Variants in DIP2B observed in about 807,000 individuals in gnomAD.
DIP2B encodes DIP2 acetate--CoA ligase B (putative).
A neutral mutation model predicts 198.0 loss-of-function variants in DIP2B; 76 were observed. That is an observed-to-expected ratio of 0.38 (90% CI 0.32 to 0.46). DIP2B has a LOEUF of 0.46. Among genes scored for constraint, DIP2B ranks in the 20% least tolerant of loss-of-function variants. The probability of loss-of-function intolerance (pLI) is 0.99; values close to 1 mark genes in which losing one functional copy is unlikely to be tolerated. For missense variants in DIP2B, 1,559 were observed against 1,978.4 expected, an observed-to-expected ratio of 0.79 and a Z score of 4.02; for synonymous variants, 701 against 739.1, an observed-to-expected ratio of 0.95 and a Z score of 0.84.
intron 20 of DIP2B, among the ~76,000 whole-genome samples, chr12:50,706,098 AC>A (rs901268858): frequency 2.0e-5 from 3 of 152,262 alleles, no homozygotes; most frequent in African/African-American, 7.2e-5. Context: ...CATTACCCTT[AC>A]CAACCTGAGA....
In DIP2B at chr12:50,737,608, G is replaced by C. The variant is rs545792814; in HGVS notation, c.4176+498G>C. On this transcript the variant is annotated intron_variant, in intron 35 of 37. Coordinates refer to ENST00000301180, the MANE Select transcript of DIP2B (RefSeq NM_173602.3). ...TTAATTTTTCTTCCCCCAAATCTTT[G>C]TTTTTGTTTGTTTATTTGAGACAGT... Among the ~76,000 whole-genome samples the C allele has an allele frequency of 5.9e-5, 9 of 151,854 alleles. No individual in the cohort carries two copies. In the East Asian group the frequency reaches 1.7e-3, roughly 29 times the overall value.
chr12:50,688,541 C>G (rs1939170091), intron 12 of DIP2B, among the ~76,000 whole-genome samples: 1 of 152,010 alleles, frequency 6.6e-6, no homozygotes. Flanking sequence ...GTCCCAGCTA[C>G]TCAAGGAGTC....
intron 23 of DIP2B, among the ~76,000 whole-genome samples, chr12:50,717,548 T>C (rs962880570): frequency 1.3e-5 from 2 of 151,686 alleles, no homozygotes; most frequent in Non-Finnish European, 2.9e-5. Context: ...TTTGTATTTT[T>C]AGTAGAGACA....
intron 1 of DIP2B, among the ~76,000 whole-genome samples, chr12:50,602,359 CT>C (rs1222106880): frequency 6.6e-6 from 1 of 152,256 alleles, no homozygotes; most frequent in East Asian, 1.9e-4. Context: ...GTCTCTGCCC[CT>C]GGGACTCAAG....
chr12:50,716,702 A>G (rs1049688575), intron 23 of DIP2B, among the ~76,000 whole-genome samples: 1 of 152,206 alleles, frequency 6.6e-6, no homozygotes, highest in South Asian at 2.1e-4. Context: ...TTGATAGAAT[A>G]AAAGATTTTT....
intron 1 of DIP2B, among the ~76,000 whole-genome samples, chr12:50,579,821 C>T (rs1958707868): frequency 6.7e-6 from 1 of 150,374 alleles, no homozygotes; most frequent in Non-Finnish European, 1.5e-5. Flanking sequence ...TCTGACTCAA[C>T]TGTATTTCCT....
intron 1 of DIP2B, among the ~76,000 whole-genome samples, chr12:50,516,286 TGCTCGTCACCAAG>T (rs1958064763): frequency 6.6e-6 from 1 of 151,446 alleles, no homozygotes; most frequent in Admixed American, 6.6e-5. Context: ...GAGAGAGTCT[TGCTCGTCACCAAG>T]GCTGGAGTGC....
At chr12:50,563,077 C>T (rs559304497) in intron 1 of DIP2B, among the ~76,000 whole-genome samples, 8 of 152,288 alleles carry the variant, frequency 5.3e-5, no homozygotes, top group Admixed American at 6.5e-5. Flanking sequence ...CTCATGGAAC[C>T]AACAGAAGAC....
intron 20 of DIP2B, among the ~76,000 whole-genome samples, chr12:50,705,191 C>T (rs747957244): frequency 6.6e-6 from 1 of 152,162 alleles, no homozygotes; most frequent in Non-Finnish European, 1.5e-5. Context: ...CTCCATTCAT[C>T]TCTAATTACC....
intron 19 of DIP2B, among the ~76,000 whole-genome samples, chr12:50,703,513 G>C (rs112056963): frequency 1.3e-4 from 20 of 152,292 alleles, no homozygotes; most frequent in African/African-American, 4.8e-4. Context: ...GGCCTATCCA[G>C]CTGTAATAAA....
chr12:50,540,623 A>G (rs547238310), intron 1 of DIP2B, among the ~76,000 whole-genome samples: 23 of 145,388 alleles, frequency 1.6e-4, no homozygotes, highest in Admixed American at 1.5e-3. Flanking sequence ...ATCTCGGCTC[A>G]CTGCAAGCTC....
chr12:50,706,581 T>C lies in DIP2B; in HGVS notation c.2450T>C (p.Met817Thr). The change falls in exon 21 of 38, where the codon ATG becomes ACG. Residue 817 changes from methionine (M) to threonine (T), a missense_variant. Coordinates refer to ENST00000301180, the MANE Select transcript of DIP2B (RefSeq NM_173602.3). ...GTTGGGAAAATGGATGGCTTACTGA[T>C]GGTTAGTGGTCGAAGACATAATGCT... Reference protein sequence around the residue: ...FVVGKMDGLLMVSGRRHNADD... With the variant: ...FVVGKMDGLLTVSGRRHNADD... 6.2e-7 allele frequency: 1 copy of C among 1,614,082 alleles called. No individual in the cohort carries two copies. The highest frequency in any genetic ancestry group is 8.5e-7 in the Non-Finnish European group (1 of 1,179,982).
chr12:50,591,522 T>C (rs1263540904), intron 1 of DIP2B, among the ~76,000 whole-genome samples: 1 of 152,082 alleles, frequency 6.6e-6, no homozygotes, highest in East Asian at 1.9e-4. Context: ...ACTGTATCCT[T>C]TGCCTCCTGG....
intron 18 of DIP2B, 118 bp from the exon 19 acceptor site, chr12:50,698,947 AT>A: frequency 2.6e-6 from 3 of 1,141,280 alleles, no homozygotes; most frequent in African/African-American, 3.1e-5. Context: ...CCTGTCTGGT[AT>A]TTTTACTTAA....
intron 1 of DIP2B, among the ~76,000 whole-genome samples, chr12:50,526,630 T>TG (rs1958167646): frequency 8.0e-6 from 1 of 124,908 alleles, no homozygotes; most frequent in Non-Finnish European, 1.7e-5. Context: ...CTCTGCCTTT[T>TG]TTTTTTTTTT....
chr12:50,571,580 TCTCA>T (rs1356269873), intron 1 of DIP2B, among the ~76,000 whole-genome samples: 1 of 114,864 alleles, frequency 8.7e-6, no homozygotes, highest in Non-Finnish European at 1.7e-5. Context: ...TGAGACGGAG[TCTCA>T]CTCTGTCACC....
chr12:50,657,944 TG>T (rs933838918), intron 3 of DIP2B, among the ~76,000 whole-genome samples: 1 of 151,930 alleles, frequency 6.6e-6, no homozygotes, highest in Admixed American at 6.6e-5. Context: ...ATATGGATTG[TG>T]GGTTAGATAA....
At chr12:50,511,991 A>G (rs1454945572) in intron 1 of DIP2B, among the ~76,000 whole-genome samples, 3 of 148,258 alleles carry the variant, frequency 2.0e-5, no homozygotes, top group African/African-American at 4.9e-5. Flanking sequence ...AGGTCTTACT[A>G]TGTTCAGCCC....
At position 50,671,186 on chromosome 12, in the gene DIP2B, A is replaced by C. The variant is rs1034891653; in HGVS notation, c.428A>C (p.Asp143Ala). The change falls in exon 5 of 38, where the codon GAC becomes GCC. Residue 143 changes from aspartate (D) to alanine (A), a missense_variant and splice_region_variant. Coordinates refer to ENST00000301180, the MANE Select transcript of DIP2B (RefSeq NM_173602.3). ...CTTCTTTTTTTCTAATTCCACACAG[A>C]CACATCTTCGGCCTCTGAGGATGAG... ...QSPADACTPP[D>A]TSSASEDEGS... 4.3e-6 allele frequency: 7 copies of C among 1,613,870 alleles called. No individual in the cohort carries two copies. Among genetic ancestry groups the C allele is most frequent in the Non-Finnish European group, 5.9e-6 (7 of 1,179,984 alleles).
Sources: allele counts gnomAD v4.1 joint callset (sites outside exome capture counted in the v4.1 genomes callset), GRCh38; gene constraint gnomAD v4.1.1; transcripts MANE v1.5; gene names NCBI Gene and HGNC (gene_info 2026-07-23, HGNC 2026-07-21).